RMDN2: variants seen among roughly 807,000 people sequenced by gnomAD.
The protein encoded by RMDN2 is regulator of microtubule dynamics protein 2.
A neutral mutation model predicts 52.8 loss-of-function variants in RMDN2; 61 were observed. The ratio of observed to expected loss-of-function variants is 1.16; its 90% CI spans 0.94 to 1.43. The LOEUF is 1.43. Among genes scored for constraint, RMDN2 ranks in the 40% most tolerant of loss-of-function variants. The pLI, the probability that RMDN2 is intolerant of heterozygous loss-of-function variation, is 0.00. For missense variants in RMDN2, 592 were observed against 475.3 expected, an observed-to-expected ratio of 1.25 and a Z score of -2.28; for synonymous variants, 180 against 153.1, an observed-to-expected ratio of 1.18 and a Z score of -1.30.
intron 2 of RMDN2, among the ~76,000 whole-genome samples, chr2:37,938,057 A>G (rs1300443863): frequency 6.6e-6 from 1 of 152,176 alleles, no homozygotes; most frequent in East Asian, 1.9e-4. Context: ...ATTTTCAGAT[A>G]TGTTCCATCA....
rs370348185 is a variant in RMDN2, at chr2:37,985,602, G to A, written c.792-3939G>A. On this transcript the variant is annotated intron_variant, in intron 5 of 10. Coordinates refer to ENST00000354545, the MANE Select transcript of RMDN2 (RefSeq NM_001170791.3). ...TGGGGGTGATTCTAGGGCCAGGTCT[G>A]TATCTTGGTCCCCAGTGTGTTCAGT... Among the ~76,000 whole-genome samples the A allele has an allele frequency of 5.3e-5, 8 of 152,152 alleles. No homozygotes were observed. In the East Asian group the frequency reaches 5.8e-4, roughly 11 times the overall value.
At chr2:37,922,013 C>T (rs1441127390), upstream of RMDN2, among the ~76,000 whole-genome samples, 5 of 152,206 alleles carry the variant, frequency 3.3e-5, no homozygotes, top group Admixed American at 3.3e-4. Flanking sequence ...TGGGGGACTT[C>T]TTCCTCTGCC....
At chr2:38,009,576 A>C (rs1053902081) in intron 10 of RMDN2, among the ~76,000 whole-genome samples, 1 of 152,126 alleles carries the variant, frequency 6.6e-6, no homozygotes, top group African/African-American at 2.4e-5. Flanking sequence ...CCTTTAAGGA[A>C]TTCTCTGCGT....
At chr2:38,027,243 T>G (rs1679843928) in intron 10 of RMDN2, 1 of 152,246 alleles carries the variant, frequency 6.6e-6, no homozygotes. Context: ...ACCTGGATGC[T>G]CTCTCAAAGC....
intron 2 of RMDN2, among the ~76,000 whole-genome samples, chr2:37,939,265 A>G (rs912731342): frequency 1.3e-5 from 2 of 151,398 alleles, no homozygotes; most frequent in Non-Finnish European, 3.0e-5. Context: ...AGAGACTGTT[A>G]TGATTTCCAT....
chr2:37,927,492 G>C (rs922787928), intron 1 of RMDN2, among the ~76,000 whole-genome samples: 1 of 152,200 alleles, frequency 6.6e-6, no homozygotes, highest in African/African-American at 2.4e-5. Context: ...CCTGTCTCAA[G>C]AATAAGTTCT....
intron 8 of RMDN2, among the ~76,000 whole-genome samples, chr2:38,000,592 TCATACAA>T (rs1558533406): frequency 6.6e-6 from 1 of 152,366 alleles, no homozygotes; most frequent in East Asian, 1.9e-4. Flanking sequence ...ATAAATGGAA[TCATACAA>T]CATGTACTTT....
chr2:37,932,876 A>G (rs1478930542), intron 2 of RMDN2, among the ~76,000 whole-genome samples: 1 of 92,736 alleles, frequency 1.1e-5, no homozygotes, highest in African/African-American at 4.4e-5. Context: ...TGACCCCCCC[A>G]CCTCCCTCCC....
At chr2:37,967,198 C>G (rs1438820604) in intron 2 of RMDN2, among the ~76,000 whole-genome samples, 1 of 152,120 alleles carries the variant, frequency 6.6e-6, no homozygotes, top group Non-Finnish European at 1.5e-5. Context: ...GAAATAATAG[C>G]TAGTACCATA....
rs1442120203 is a variant in RMDN2, at chr2:37,958,349, G to GGAGTGTTTTACTTCC, written c.453-15691_453-15690insGAGTGTTTTACTTCC. Among the ~76,000 whole-genome samples, 129 of 144,742 alleles carry GGAGTGTTTTACTTCC rather than the reference G, an allele frequency of 8.9e-4. 10 individuals are homozygous for GGAGTGTTTTACTTCC. Among genetic ancestry groups the GGAGTGTTTTACTTCC allele is most frequent in the African/African-American group, 3.7e-3 (126 of 34,420 alleles). 95.0% of individuals were successfully genotyped at this position (144,742 alleles called of 152,430 possible). A position where few individuals can be genotyped will look rare whatever the true frequency, so the allele number is the denominator to read the frequency against. ...GAAGTGGTTTGTAGTTCTTCTTGAAGAAGTCCTTCACATCCCCTCTAAGTT... is the reference window on the plus strand; with the variant it reads ...GAAGTGGTTTGTAGTTCTTCTTGAAGGAGTGTTTTACTTCCAAGTCCTTCACATCCCCTCTAAGTT... On this transcript the variant is annotated intron_variant, in intron 2 of 10. Coordinates refer to ENST00000354545, the MANE Select transcript of RMDN2 (RefSeq NM_001170791.3).
chr2:38,042,500 C>A lies in RMDN2; in HGVS notation c.1714-24482C>A, dbSNP rs1338476150. Among the ~76,000 whole-genome samples the A allele has an allele frequency of 4.0e-5, 6 of 151,642 alleles. No homozygotes were observed. In the South Asian group the frequency reaches 8.3e-4, roughly 21 times the overall value. ...TAATTCATTTTCTCTATTTTTCTAA[C>A]AGCAGTTTTGGTTTCTACTCTAATT... On this transcript the variant is annotated intron_variant, in intron 10 of 10. Coordinates refer to the RMDN2 transcript ENST00000234195.
intron 4 of RMDN2, among the ~76,000 whole-genome samples, chr2:37,979,550 AGT>A (rs1176576010): frequency 1.3e-5 from 2 of 152,228 alleles, no homozygotes; most frequent in East Asian, 3.8e-4. Flanking sequence ...TAAAACTCAA[AGT>A]GAGTATATCA....
intron 10 of RMDN2, among the ~76,000 whole-genome samples, chr2:38,040,175 A>T (rs1216066449): frequency 1.3e-5 from 2 of 151,662 alleles, no homozygotes; most frequent in East Asian, 3.9e-4. Flanking sequence ...AGATCAGTTG[A>T]CTATATTTGT....
chr2:38,051,220 T>C (rs950260158), intron 10 of RMDN2, among the ~76,000 whole-genome samples: 2 of 151,584 alleles, frequency 1.3e-5, no homozygotes, highest in African/African-American at 4.9e-5. Flanking sequence ...TTCTTCGGAG[T>C]CATGCAAATT....
At position 38,023,176 on chromosome 2, in the gene RMDN2, C is replaced by A. The variant is rs17021868; in HGVS notation, c.1713+18960C>A. ...AGGGGAGCTAAAGCACAGGATATTT[C>A]CATGCCTAACACCATGAGCAAAAGA... is the stretch of plus-strand genomic sequence containing the variant. On this transcript the variant is annotated intron_variant, in intron 10 of 10. Coordinates refer to the RMDN2 transcript ENST00000234195. 7.0e-3 allele frequency among the ~76,000 whole-genome samples: 1,072 copies of A among 152,306 alleles called. 8 individuals are homozygous for A. The highest frequency in any genetic ancestry group is 0.024 in the African/African-American group (1,018 of 41,564).
At chr2:37,933,136 G>A (rs1302331322) in intron 2 of RMDN2, among the ~76,000 whole-genome samples, 1 of 152,024 alleles carries the variant, frequency 6.6e-6, no homozygotes, top group Admixed American at 6.5e-5. Context: ...CCCGGACGGG[G>A]CAGCAGGGCA....
chr2:38,058,391 T>G (rs1681920310), intron 10 of RMDN2, among the ~76,000 whole-genome samples: 1 of 152,210 alleles, frequency 6.6e-6, no homozygotes, highest in Non-Finnish European at 1.5e-5. Flanking sequence ...GAAGACCCTC[T>G]TTGAACTTTA....
intron 10 of RMDN2, among the ~76,000 whole-genome samples, chr2:38,054,203 C>A (rs1023373662): frequency 2.8e-4 from 43 of 152,048 alleles, no homozygotes; most frequent in Non-Finnish European, 3.5e-4. Context: ...GTATTATTCC[C>A]AAAATTACAT....
Position 38,016,662 on chromosome 2 carries a change from C to T in RMDN2, c.1180-524C>T, listed in dbSNP as rs1209516334. The stretch of plus-strand genomic sequence containing the variant: ...CTCAGCCCTAACCTTTATAGGTGGT[C>T]TCACTCAAGTTTCCATCTATCTGAA... On this transcript the variant is annotated intron_variant, in intron 10 of 10. Coordinates refer to ENST00000354545, the MANE Select transcript of RMDN2 (RefSeq NM_001170791.3). Among the ~76,000 whole-genome samples the T allele has an allele frequency of 7.9e-5, 12 of 152,140 alleles. 1 individual carries two copies. Among genetic ancestry groups the T allele is most frequent in the Admixed American group, 7.9e-4 (12 of 15,272 alleles).
Sources: allele counts gnomAD v4.1 joint callset (sites outside exome capture counted in the v4.1 genomes callset), GRCh38; gene constraint gnomAD v4.1.1; transcripts MANE v1.5; gene names NCBI Gene and HGNC (gene_info 2026-07-23, HGNC 2026-07-21).